Variants in SPART observed in about 807,000 individuals in gnomAD.
SPART encodes spastic paraplegia 20 (Troyer syndrome).
In SPART, 35 loss-of-function variants were observed where a neutral mutation model predicts 58.7. That is an observed-to-expected ratio of 0.60 (90% confidence interval 0.46 to 0.79). SPART has a LOEUF of 0.79. SPART is among the 30% of genes least tolerant of loss of function. The pLI, the probability that SPART is intolerant of heterozygous loss-of-function variation, is 0.00. For missense variants in SPART, 730 were observed against 786.1 expected (o/e 0.93, Z 0.85); for synonymous variants, 284 against 280.7 (o/e 1.01, Z -0.12).
chr13:36,316,841 G>A lies in SPART; in HGVS notation c.1289-2420C>T, dbSNP rs534737866. ...AATCCCCTGTCATGTTCTTTGCTCCGTGAGAAAGATCCACCTACAACCTCA... is the reference window on the plus strand; with the variant it reads ...AATCCCCTGTCATGTTCTTTGCTCCATGAGAAAGATCCACCTACAACCTCA... On this transcript the variant is annotated intron_variant, in intron 5 of 8. Coordinates refer to ENST00000438666, the MANE Select transcript of SPART (RefSeq NM_015087.5). Among the ~76,000 whole-genome samples, 43 of 152,224 alleles carry A rather than the reference G, an allele frequency of 2.8e-4. 1 individual carries two copies. Among genetic ancestry groups the A allele is most frequent in the African/African-American group, 7.7e-4 (32 of 41,538 alleles).
At chr13:36,315,226 G>A (rs1370434246) in intron 5 of SPART, among the ~76,000 whole-genome samples, 5 of 152,158 alleles carry the variant, frequency 3.3e-5, no homozygotes, top group South Asian at 2.1e-4. Flanking sequence ...GAGGACAAAA[G>A]GTCCTCAGCC....
At chr13:36,349,284 C>T (rs1468408377), upstream of SPART, among the ~76,000 whole-genome samples, 1 of 152,054 alleles carries the variant, frequency 6.6e-6, no homozygotes, top group Admixed American at 6.5e-5. Context: ...CAAAAAACTG[C>T]AGTAAGTCAG....
chr13:36,309,060 C>A (rs143246209), intron 8 of SPART, among the ~76,000 whole-genome samples: 166 of 152,176 alleles, frequency 1.1e-3, no homozygotes, highest in African/African-American at 3.8e-3. Context: ...CTGGCTAACA[C>A]AGTGAAACCC....
chr13:36,319,378 G>A (rs1405753484), intron 5 of SPART, among the ~76,000 whole-genome samples: 11 of 146,350 alleles, frequency 7.5e-5, no homozygotes, highest in Non-Finnish European at 1.6e-4. Context: ...AACCGATCAT[G>A]CACCCCTTAC....
intron 1 of SPART, among the ~76,000 whole-genome samples, chr13:36,356,479 C>T (rs1885627130): frequency 6.6e-6 from 1 of 152,202 alleles, no homozygotes; most frequent in African/African-American, 2.4e-5. Flanking sequence ...ACTTGGGTCT[C>T]CACAATCCTT....
chr13:36,364,641 T>C (rs1376145648), intron 1 of SPART, among the ~76,000 whole-genome samples: 1 of 152,108 alleles, frequency 6.6e-6, no homozygotes, highest in Non-Finnish European at 1.5e-5. Context: ...ATATTAGAAT[T>C]AGGATTTGTC....
upstream of SPART, among the ~76,000 whole-genome samples, chr13:36,347,116 A>G (rs934612549): frequency 3.9e-5 from 6 of 152,042 alleles, no homozygotes; most frequent in Non-Finnish European, 8.8e-5. Flanking sequence ...AATATTGTAG[A>G]TGACAGACTC....
upstream of SPART, chr13:36,346,901 C>T (rs1408203065): frequency 1.3e-5 from 2 of 152,216 alleles, no homozygotes; most frequent in African/African-American, 2.4e-5. Flanking sequence ...CCCTCAATGT[C>T]TCTGCAGCCT....
chr13:36,360,833 T>C (rs1360576975), intron 1 of SPART: 1 of 152,660 alleles, frequency 6.6e-6, no homozygotes, highest in Non-Finnish European at 1.5e-5. Flanking sequence ...GGCACTACTT[T>C]CACCAGAAAG....
chr13:36,323,299 C>T (rs759902883), intron 5 of SPART, among the ~76,000 whole-genome samples: 1 of 152,188 alleles, frequency 6.6e-6, no homozygotes. Flanking sequence ...AGGTAGATTG[C>T]TCCAAAGGTG....
At chr13:36,329,762 AC>A (rs1404494186) in intron 3 of SPART, among the ~76,000 whole-genome samples, 1 of 152,206 alleles carries the variant, frequency 6.6e-6, no homozygotes, top group Non-Finnish European at 1.5e-5. Context: ...CGTGTAAAAG[AC>A]AACTTATAGC....
intron 8 of SPART, 63 bp downstream of exon 8, chr13:36,312,082 T>C: frequency 6.6e-7 from 1 of 1,509,734 alleles, no homozygotes; most frequent in Non-Finnish European, 9.2e-7. Flanking sequence ...AGAAACTCCC[T>C]CTCAGAAAAA....
intron 5 of SPART, among the ~76,000 whole-genome samples, chr13:36,325,381 T>C (rs1882829039): frequency 6.6e-6 from 1 of 152,254 alleles, no homozygotes; most frequent in Non-Finnish European, 1.5e-5. Context: ...CATAGTTCTT[T>C]GGCACTAGGA....
intron 5 of SPART, among the ~76,000 whole-genome samples, chr13:36,322,068 C>A (rs1460575908): frequency 6.6e-6 from 1 of 152,048 alleles, no homozygotes; most frequent in Non-Finnish European, 1.5e-5. Flanking sequence ...ATAAAATGGC[C>A]CCACCCTTAT....
chr13:36,331,639 A>G, intron 2 of SPART, 43 bp from the exon 3 acceptor site: 1 of 1,342,250 alleles, frequency 7.5e-7, no homozygotes, highest in Non-Finnish European at 1.0e-6. Flanking sequence ...CATATAAATA[A>G]ATGAAACTAG....
Position 36,314,393 on chromosome 13 carries a change from G to T in SPART, c.1317C>A (p.Val439=), listed in dbSNP as rs775142218. Residue 439 remains valine (V), a synonymous_variant, in exon 6 of 9, where the codon GTC becomes GTA. Transcript: ENST00000438666. ...SGASWVSWGL[V]KGAEITGKAI... ...CCTTACCAGTAATCTCAGCACCTTT[G>T]ACTAAACCCCAACTCACCCAGGAAG... The T allele has an allele frequency of 6.2e-7, 1 of 1,613,894 alleles. No individual in the cohort carries two copies. The highest frequency in any genetic ancestry group is 1.1e-5 in the South Asian group (1 of 91,068).
chr13:36,314,590 G>T, intron 5 of SPART, 169 bp from the exon 6 acceptor site: 1 of 716,018 alleles, frequency 1.4e-6, no homozygotes, highest in Non-Finnish European at 2.4e-6. Flanking sequence ...TTTTCTTCCT[G>T]AATACTTAGT....
intron 6 of SPART, among the ~76,000 whole-genome samples, chr13:36,312,763 T>C (rs1207753358): frequency 2.0e-5 from 3 of 152,018 alleles, no homozygotes; most frequent in Non-Finnish European, 4.4e-5. Flanking sequence ...AAAGCTTTTG[T>C]TTGCTTTAAA....
rs148401111 is a variant in SPART at position 36,355,947 on chromosome 13, A to C, written c.-3+14142T>G. Among the ~76,000 whole-genome samples the C allele has an allele frequency of 8.9e-3, 1,358 of 152,330 alleles. 23 individuals are homozygous for C. The highest frequency in any genetic ancestry group is 0.031 in the African/African-American group (1,295 of 41,578). On this transcript the variant is annotated intron_variant, in intron 1 of 8. Coordinates refer to the SPART transcript ENST00000355182. The stretch of plus-strand genomic sequence containing the variant: ...ATGGGGGTTCAGTCAGGCTGGTGGG[A>C]AAAAGTTATAGAGAATATACACAAA...
Sources: allele counts gnomAD v4.1 joint callset (sites outside exome capture counted in the v4.1 genomes callset), GRCh38; gene constraint gnomAD v4.1.1; transcripts MANE v1.5; gene names NCBI Gene and HGNC (gene_info 2026-07-23, HGNC 2026-07-21).